Variants in SLC25A13 observed in about 807,000 individuals in gnomAD.
SLC25A13 encodes the protein electrogenic aspartate/glutamate antiporter SLC25A13, mitochondrial.
Under a neutral mutation model 85.5 loss-of-function variants are expected in SLC25A13, and 70 were observed. That is an observed-to-expected ratio of 0.82 (90% CI 0.68 to 1.00). SLC25A13 has a LOEUF of 1.00. Among genes scored for constraint, SLC25A13 ranks in the 50% least tolerant of loss-of-function variants. SLC25A13 has a pLI of 0.00. For missense variants in SLC25A13, 765 were observed against 819.8 expected, an observed-to-expected ratio of 0.93 and a Z score of 0.82; for synonymous variants, 259 against 288.7, an observed-to-expected ratio of 0.90 and a Z score of 1.04.
At position 96,121,876 on chromosome 7, in the gene SLC25A13, AC is replaced by A. The variant is rs1554335461; in HGVS notation, c.1712del (p.Arg571LeufsTer25). 1.2e-6 allele frequency: 2 copies of A among 1,614,170 alleles called. No homozygotes were observed. The highest frequency in any genetic ancestry group is 1.1e-5 in the South Asian group (1 of 91,080). ...TCCACAGAGCTTTTGGTCCTTCTTC[AC>A]GCAGTATCTTTCTAAAGCAGTCTAT... The part of the protein sequence containing the change: ...GVIDCFRKIL[R>X]EEGPKALWKG... On this transcript the variant is annotated frameshift_variant, in exon 16 of 18. Coordinates refer to ENST00000265631, the MANE Select transcript of SLC25A13 (RefSeq NM_014251.3). LOFTEE classifies it high-confidence loss of function.
At position 96,282,205 on chromosome 7, in the gene SLC25A13, A is replaced by T. The variant is rs142873214; in HGVS notation, c.70-4867T>A. Among the ~76,000 whole-genome samples, 761 of 152,312 alleles carry T rather than the reference A, an allele frequency of 5.0e-3. 9 individuals carry two copies. The highest frequency in any genetic ancestry group is 0.017 in the African/African-American group (686 of 41,554). ...TGTATAATACTTATTGTCATCACCA[A>T]GAAATACCACCATACTCAGTGAAGA... On this transcript the variant is annotated intron_variant, in intron 2 of 17. Transcript: ENST00000265631.
intron 3 of SLC25A13, among the ~76,000 whole-genome samples, chr7:96,241,580 G>A (rs138588081): frequency 1.2e-3 from 181 of 152,216 alleles, no homozygotes; most frequent in African/African-American, 4.1e-3. Context: ...TACACACAAA[G>A]TCTGAAGAAG....
chr7:96,256,835 C>T (rs1333045397), intron 3 of SLC25A13, among the ~76,000 whole-genome samples: 2 of 152,106 alleles, frequency 1.3e-5, no homozygotes, highest in Non-Finnish European at 2.9e-5. Context: ...CACTCCTCAG[C>T]AAATGTAAAA....
chr7:96,165,003 T>A (rs1438511253), intron 13 of SLC25A13, among the ~76,000 whole-genome samples: 2 of 152,162 alleles, frequency 1.3e-5, no homozygotes, highest in African/African-American at 4.8e-5. Flanking sequence ...CTGTGAAGAT[T>A]GACAAGATCA....
At chr7:96,270,870 A>G (rs956750897) in intron 3 of SLC25A13, among the ~76,000 whole-genome samples, 4 of 152,132 alleles carry the variant, frequency 2.6e-5, no homozygotes, top group South Asian at 2.1e-4. Context: ...TGCCTCTTCC[A>G]GCATCTGGTG....
chr7:96,196,649 C>T (rs1372274217), intron 5 of SLC25A13, among the ~76,000 whole-genome samples: 1 of 152,180 alleles, frequency 6.6e-6, no homozygotes, highest in Non-Finnish European at 1.5e-5. Context: ...TGATGAACAA[C>T]CTGAGAATAC....
intron 11 of SLC25A13, among the ~76,000 whole-genome samples, chr7:96,180,154 T>C (rs1195894156): frequency 6.6e-6 from 1 of 152,158 alleles, no homozygotes; most frequent in Non-Finnish European, 1.5e-5. Flanking sequence ...CTTGGATCAA[T>C]GGGCTGATTA....
chr7:96,247,958 GAAAAAAA>G (rs79369705), intron 3 of SLC25A13, among the ~76,000 whole-genome samples: 6 of 122,520 alleles, frequency 4.9e-5, no homozygotes, highest in African/African-American at 9.0e-5. Context: ...TAGCAGCTGG[GAAAAAAA>G]AAAAAAAAAG....
In SLC25A13 at chr7:96,146,631, T is replaced by C. The variant is rs2116481872; in HGVS notation, c.1377A>G (p.Ala459=). 1 of 1,614,066 alleles carries C rather than the reference T, an allele frequency of 6.2e-7. No homozygotes were observed. The highest frequency in any genetic ancestry group is 8.5e-7 in the Non-Finnish European group (1 of 1,180,004). The part of the protein sequence containing the change: ...LEIVKIRLQV[A]GEITTGPRVS... ...CTCGAGGACCAGTGGTGATTTCTCC[T>C]GCCACTTGCAAACGGATCTTGACGA... Residue 459 remains alanine (A), a synonymous_variant, in exon 14 of 18, where the codon GCA becomes GCG. Coordinates refer to ENST00000265631, the MANE Select transcript of SLC25A13 (RefSeq NM_014251.3).
intron 2 of SLC25A13, among the ~76,000 whole-genome samples, chr7:96,289,421 G>A (rs569244151): frequency 6.6e-6 from 1 of 152,292 alleles, no homozygotes; most frequent in East Asian, 1.9e-4. Context: ...TGACTTTCAC[G>A]AGTTGAGAGA....
intron 3 of SLC25A13, among the ~76,000 whole-genome samples, chr7:96,247,136 G>A (rs755832083): frequency 2.6e-5 from 4 of 152,134 alleles, no homozygotes; most frequent in African/African-American, 4.8e-5. Context: ...CCATATGCCC[G>A]AATCTCTAGT....
At chr7:96,262,519 G>GT (rs996200178) in intron 3 of SLC25A13, among the ~76,000 whole-genome samples, 4 of 85,792 alleles carry the variant, frequency 4.7e-5, no homozygotes, top group East Asian at 2.4e-4. Context: ...CTACTCCTCA[G>GT]TTTAAAAAAA....
At chr7:96,238,073 AG>A (rs1796811262) in intron 3 of SLC25A13, among the ~76,000 whole-genome samples, 1 of 152,172 alleles carries the variant, frequency 6.6e-6, no homozygotes, top group Admixed American at 6.5e-5. Flanking sequence ...ATTTGGAAAT[AG>A]GGTAGCTGCA....
chr7:96,204,699 T>C (rs1584452355), intron 5 of SLC25A13, among the ~76,000 whole-genome samples: 1 of 152,362 alleles, frequency 6.6e-6, no homozygotes, highest in East Asian at 1.9e-4. Flanking sequence ...TTGCTCCTTT[T>C]GCACTGTCAG....
intron 15 of SLC25A13, among the ~76,000 whole-genome samples, chr7:96,130,954 C>A (rs1209694026): frequency 2.0e-5 from 3 of 152,168 alleles, no homozygotes; most frequent in African/African-American, 7.2e-5. Flanking sequence ...GGGAGTTGTT[C>A]TTATGCTATC....
chr7:96,205,499 G>T (rs1002583467), intron 5 of SLC25A13, among the ~76,000 whole-genome samples: 2 of 152,140 alleles, frequency 1.3e-5, no homozygotes, highest in African/African-American at 2.4e-5. Flanking sequence ...AGCAACAGAT[G>T]TAACAGTATA....
At chr7:96,191,291 A>G in intron 6 of SLC25A13, 44 bp from the exon 7 acceptor site, 1 of 1,603,002 alleles carries the variant, frequency 6.2e-7, no homozygotes, top group South Asian at 1.1e-5. Flanking sequence ...TATACAAAAG[A>G]TTTATAGATG....
At chr7:96,180,929 A>C (rs989795602) in intron 11 of SLC25A13, among the ~76,000 whole-genome samples, 4 of 152,242 alleles carry the variant, frequency 2.6e-5, no homozygotes, top group African/African-American at 9.6e-5. Flanking sequence ...ACCTGAGCAC[A>C]TTAAATCACT....
At chr7:96,253,959 T>G (rs983859644) in intron 3 of SLC25A13, among the ~76,000 whole-genome samples, 1 of 152,234 alleles carries the variant, frequency 6.6e-6, no homozygotes, top group Non-Finnish European at 1.5e-5. Context: ...TTTACATATT[T>G]ATAGAATTAT....
Sources: allele counts gnomAD v4.1 joint callset (sites outside exome capture counted in the v4.1 genomes callset), GRCh38; gene constraint gnomAD v4.1.1; transcripts MANE v1.5; gene names NCBI Gene and HGNC (gene_info 2026-07-23, HGNC 2026-07-21).